MEIOSIN: variants seen among roughly 807,000 people sequenced by gnomAD.
MEIOSIN encodes the protein meiosis initiator.
Under a neutral mutation model 23.4 loss-of-function variants are expected in MEIOSIN, and 18 were observed. The observed-to-expected ratio is 0.77, with a 90% CI of 0.53 to 1.14. The LOEUF (loss-of-function observed/expected upper bound fraction) is 1.14. MEIOSIN is among the 50% of genes most tolerant of loss of function. The pLI is 0.00. For synonymous variants in MEIOSIN, 187 were observed against 100.6 expected (o/e 1.86, Z -5.14); for missense variants, 428 against 242.9 (o/e 1.76, Z -5.07).
intron 11 of MEIOSIN, among the ~76,000 whole-genome samples, chr19:45,759,704 G>A (rs547690190): frequency 6.6e-6 from 1 of 152,276 alleles, no homozygotes; most frequent in South Asian, 2.1e-4. Flanking sequence ...TGCTGGGCAC[G>A]TGGAACGAAT....
chr19:45,743,080 G>T (rs1329712200), intron 3 of MEIOSIN, among the ~76,000 whole-genome samples: 1 of 152,174 alleles, frequency 6.6e-6, no homozygotes, highest in Admixed American at 6.5e-5. Flanking sequence ...TGAGAGCGGA[G>T]CCCAGGTTGT....
chr19:45,760,012 G>A (rs1022507061), intron 11 of MEIOSIN, among the ~76,000 whole-genome samples: 9 of 151,830 alleles, frequency 5.9e-5, no homozygotes, highest in African/African-American at 1.9e-4. Context: ...TGTTGGCCAG[G>A]CTGGTCTCCA....
chr19:45,734,686 T>TG (rs1968381291), intron 1 of MEIOSIN, among the ~76,000 whole-genome samples: 1 of 150,628 alleles, frequency 6.6e-6, no homozygotes, highest in Non-Finnish European at 1.5e-5. Flanking sequence ...TTTTTTTTTT[T>TG]GTAGAGGTGG....
At chr19:45,763,147 A>G (rs1968982816) in intron 13 of MEIOSIN, among the ~76,000 whole-genome samples, 191 bp from the exon 14 acceptor site, 1 of 152,190 alleles carries the variant, frequency 6.6e-6, no homozygotes, top group Non-Finnish European at 1.5e-5. Flanking sequence ...CGGTGCCCAC[A>G]GGTCCCCTGC....
At position 45,756,035 on chromosome 19, in the gene MEIOSIN, G is replaced by A. The variant is rs77185077; in HGVS notation, c.868G>A (p.Val290Met). The stretch of plus-strand genomic sequence containing the variant: ...CCCTGCGCTCCTGGCTCAGGAAGAT[G>A]TGGCGAGGATCCATTTTCTCAACAA... Reference protein sequence around the residue: ...PFPALLAQEDVARIHFLNKTQ... With the variant: ...PFPALLAQEDMARIHFLNKTQ... Residue 290 changes from valine to methionine, a missense_variant, in exon 8 of 15, where the codon GTG becomes ATG. By Grantham distance (21) the Val-to-Met change is conservative. Coordinates refer to ENST00000457052, the MANE Select transcript of MEIOSIN (RefSeq NM_001310124.2). 0.027 allele frequency: 18,758 copies of A among 702,930 alleles called. 359 individuals are homozygous for A. The highest frequency in any genetic ancestry group is 0.034 in the Middle Eastern group (146 of 4,314). The allele number at this position is 702,930 out of a possible 1,614,324, so 43.5% of individuals were successfully genotyped here.
intron 3 of MEIOSIN, among the ~76,000 whole-genome samples, chr19:45,740,489 G>T (rs759712181): frequency 6.6e-6 from 1 of 152,146 alleles, no homozygotes; most frequent in Non-Finnish European, 1.5e-5. Flanking sequence ...GGAGGCTCAC[G>T]CCTGTAATCC....
At chr19:45,745,604 T>C (rs936752046) in intron 4 of MEIOSIN, among the ~76,000 whole-genome samples, 3 of 152,234 alleles carry the variant, frequency 2.0e-5, no homozygotes, top group Non-Finnish European at 1.5e-5. Flanking sequence ...TTGAGCCCTC[T>C]AGCTTCACAG....
Position 45,750,364 on chromosome 19 carries a change from T to C in MEIOSIN, c.307-311T>C, listed in dbSNP as rs555298591. Among the ~76,000 whole-genome samples, 26 of 141,470 alleles carry C rather than the reference T, an allele frequency of 1.8e-4. No homozygotes were observed. The South Asian group carries it at 6.0e-3, about 32-fold the overall frequency. 92.8% of individuals were successfully genotyped at this position (141,470 alleles called of 152,430 possible). On this transcript the variant is annotated intron_variant, in intron 4 of 14. Coordinates refer to ENST00000457052, the MANE Select transcript of MEIOSIN (RefSeq NM_001310124.2). ...TCTTTCTTTCTTTTTCTTTTTCTTTTTTTTTTTTTTTTTGAGACAGAGTCT... is the reference window on the plus strand; with the variant it reads ...TCTTTCTTTCTTTTTCTTTTTCTTTCTTTTTTTTTTTTTGAGACAGAGTCT...
chr19:45,750,735 G>T lies in MEIOSIN; in HGVS notation c.367G>T (p.Ala123Ser). 1 of 644,500 alleles carries T rather than the reference G, an allele frequency of 1.6e-6. No homozygotes were observed. The highest frequency in any genetic ancestry group is 2.8e-6 in the Non-Finnish European group (1 of 361,520). 39.9% of individuals were successfully genotyped at this position (644,500 alleles called of 1,614,324 possible). The change falls in exon 5 of 15, where the codon GCC (alanine) becomes TCC (serine). Residue 123 changes from alanine (A) to serine (S), a missense_variant. Transcript: ENST00000457052. ...GTACCTCCAGAGAAACATCGATGCCGCCAAGGCCTTGTTCAAATGCCACAT... is the reference window on the plus strand; with the variant it reads ...GTACCTCCAGAGAAACATCGATGCCTCCAAGGCCTTGTTCAAATGCCACAT... ...IQYLQRNIDAAKALFKCHITT... is the reference protein window; with the variant it reads ...IQYLQRNIDASKALFKCHITT...
At chr19:45,747,416 G>A (rs953489507) in intron 4 of MEIOSIN, among the ~76,000 whole-genome samples, 1 of 152,164 alleles carries the variant, frequency 6.6e-6, no homozygotes, top group Non-Finnish European at 1.5e-5. Flanking sequence ...TGCCCCGTCT[G>A]ATCATGTAGG....
At chr19:45,749,068 CAA>C (rs1310416622) in intron 4 of MEIOSIN, among the ~76,000 whole-genome samples, 16 of 109,846 alleles carry the variant, frequency 1.5e-4, no homozygotes, top group Admixed American at 5.2e-4. Context: ...GACTCCCTCT[CAA>C]AAAAAAAAAA....
chr19:45,763,463 T>C lies in MEIOSIN; in HGVS notation c.1769+36T>C, dbSNP rs1309519287. 5 of 397,516 alleles carry C rather than the reference T, an allele frequency of 1.3e-5. No individual in the cohort carries two copies. The East Asian group carries it at 1.8e-4, about 14-fold the overall frequency. The allele number at this position is 397,516 out of a possible 1,614,324, so 24.6% of individuals were successfully genotyped here. A position where few individuals can be genotyped will look rare whatever the true frequency, so the allele number is the denominator to read the frequency against. On this transcript the variant is annotated intron_variant, in intron 14 of 14. Coordinates refer to ENST00000457052, the MANE Select transcript of MEIOSIN (RefSeq NM_001310124.2). ...CCGGCCCCGAGGTGTGGGTGGGGGG[T>C]GGAAGAGCCTCCCTACCCCGGAACC...
intron 2 of MEIOSIN, among the ~76,000 whole-genome samples, chr19:45,737,854 A>G (rs937239685): frequency 1.6e-4 from 25 of 151,732 alleles, no homozygotes; most frequent in African/African-American, 5.8e-4. Flanking sequence ...CCCAGGAGGC[A>G]GAGGTTGCAG....
intron 13 of MEIOSIN, among the ~76,000 whole-genome samples, 200 bp from the exon 14 acceptor site, chr19:45,763,138 G>T (rs1015196850): frequency 6.6e-6 from 1 of 152,166 alleles, no homozygotes; most frequent in Admixed American, 6.5e-5. Flanking sequence ...GGCCAGGAGC[G>T]GTGCCCACAG....
chr19:45,754,964 A>AG (rs1968792816), intron 7 of MEIOSIN, among the ~76,000 whole-genome samples: 2 of 152,120 alleles, frequency 1.3e-5, no homozygotes, highest in Admixed American at 1.3e-4. Context: ...TCACAGAACC[A>AG]GGGAGGAGGG....
chr19:45,749,426 A>G (rs1260292891), intron 4 of MEIOSIN, among the ~76,000 whole-genome samples: 1 of 150,144 alleles, frequency 6.7e-6, no homozygotes, highest in African/African-American at 2.4e-5. Flanking sequence ...CTGTAATCCC[A>G]GCATTTTGGG....
At chr19:45,752,425 A>G (rs1319608773) in intron 5 of MEIOSIN, among the ~76,000 whole-genome samples, 2 of 151,804 alleles carry the variant, frequency 1.3e-5, no homozygotes, top group Non-Finnish European at 2.9e-5. Flanking sequence ...CGTGGTCGCC[A>G]AGCTGGTATC....
At chr19:45,748,921 T>C (rs2146186033) in intron 4 of MEIOSIN, among the ~76,000 whole-genome samples, 1 of 151,420 alleles carries the variant, frequency 6.6e-6, no homozygotes, top group Middle Eastern at 3.4e-3. Flanking sequence ...ATACAAAAAT[T>C]AGCCAAGCGT....
At chr19:45,753,836 A>G (rs1305549095) in intron 6 of MEIOSIN, 48 bp downstream of exon 6, 1 of 676,514 alleles carries the variant, frequency 1.5e-6, no homozygotes, top group East Asian at 2.7e-5. Flanking sequence ...GTCACCCAGG[A>G]GCAGGGCTCC....
Sources: allele counts gnomAD v4.1 joint callset (sites outside exome capture counted in the v4.1 genomes callset), GRCh38; gene constraint gnomAD v4.1.1; transcripts MANE v1.5; gene names NCBI Gene and HGNC (gene_info 2026-07-23, HGNC 2026-07-21).